FER: variants seen among roughly 807,000 people sequenced by gnomAD.
FER encodes tyrosine-protein kinase Fer.
In FER, 63 loss-of-function variants were observed where a neutral mutation model predicts 111.0. The ratio of observed to expected loss-of-function variants is 0.57; its 90% CI spans 0.46 to 0.70. FER has a LOEUF of 0.70. Ranked by LOEUF, FER falls within the 30% of genes least tolerant of loss-of-function variation. The pLI is 0.00. For missense variants in FER, 914 were observed against 954.0 expected (o/e 0.96, Z 0.55); for synonymous variants, 327 against 313.9 (o/e 1.04, Z -0.44).
intron 17 of FER, among the ~76,000 whole-genome samples, chr5:109,126,680 G>C (rs555826944): frequency 1.3e-5 from 2 of 152,012 alleles, no homozygotes; most frequent in Non-Finnish European, 2.9e-5. Context: ...TGTTTATTTT[G>C]TGCCAAGTAT....
At chr5:109,040,251 C>A (rs569448883) in intron 14 of FER, among the ~76,000 whole-genome samples, 1 of 152,156 alleles carries the variant, frequency 6.6e-6, no homozygotes, top group South Asian at 2.1e-4. Context: ...TAGTATATAG[C>A]TGGTACTTAC....
At chr5:109,113,318 G>A (rs757904133) in intron 17 of FER, among the ~76,000 whole-genome samples, 5 of 152,092 alleles carry the variant, frequency 3.3e-5, no homozygotes, top group Non-Finnish European at 5.9e-5. Context: ...ACATTAAGCA[G>A]CGGGAAAAGA....
At chr5:109,139,867 T>C (rs575150186) in intron 17 of FER, among the ~76,000 whole-genome samples, 3 of 152,274 alleles carry the variant, frequency 2.0e-5, no homozygotes, top group Admixed American at 6.5e-5. Flanking sequence ...GCTGACAGGA[T>C]CTACACCGTG....
intron 13 of FER, among the ~76,000 whole-genome samples, chr5:109,026,723 A>G (rs1326289936): frequency 2.0e-5 from 3 of 152,126 alleles, no homozygotes; most frequent in South Asian, 2.1e-4. Flanking sequence ...TTGTTGCCTG[A>G]GCTGGAGTAC....
In FER at chr5:108,844,057, A is replaced by AAC. The variant is rs1449061827; in HGVS notation, c.481+8252_481+8253dup. 3.2e-4 allele frequency among the ~76,000 whole-genome samples: 32 copies of AAC among 100,308 alleles called. 1 individual carries two copies. The highest frequency in any genetic ancestry group is 1.1e-3 in the African/African-American group (26 of 24,620). The allele number at this position is 100,308 out of a possible 152,430, so 65.8% of individuals were successfully genotyped here. ...GTGTGTGAACATATATATGTGTGTG[A>AAC]ACATATATATGTGTGTGAACATATA... On this transcript the variant is annotated intron_variant, in intron 5 of 19. Transcript: ENST00000281092.
rs1187261021 is a variant in FER, at chr5:108,987,224, TC to T, written c.1656+27878del. On this transcript the variant is annotated intron_variant, in intron 13 of 19. Coordinates refer to ENST00000281092, the MANE Select transcript of FER (RefSeq NM_005246.4). ...ACTTTGGGAAGCCAAGGTAGGCAGA[TC>T]ACATGAGGTCAGGATTTCGAGACCA... Among the ~76,000 whole-genome samples, 7 of 152,242 alleles carry T rather than the reference TC, an allele frequency of 4.6e-5. No individual in the cohort carries two copies. The East Asian group carries it at 1.4e-3, about 29-fold the overall frequency.
intron 16 of FER, chr5:109,051,367 C>G (rs1772781509): frequency 1.2e-6 from 2 of 1,611,572 alleles, no homozygotes; most frequent in South Asian, 2.2e-5. Flanking sequence ...GCTGGCTCTG[C>G]TTGAAGGTTG....
At chr5:108,853,041 A>G in intron 5 of FER, among the ~76,000 whole-genome samples, 1 of 152,168 alleles carries the variant, frequency 6.6e-6, no homozygotes, top group East Asian at 1.9e-4. Context: ...TCTTTTTGCT[A>G]ATTATCTTCT....
At position 108,986,084 on chromosome 5, in the gene FER, T is replaced by C. The variant is rs987631748; in HGVS notation, c.1656+26737T>C. Among the ~76,000 whole-genome samples the C allele has an allele frequency of 2.0e-5, 3 of 152,180 alleles. No individual in the cohort carries two copies. In the South Asian group the frequency reaches 6.2e-4, roughly 32 times the overall value. On this transcript the variant is annotated intron_variant, in intron 13 of 19. Transcript: ENST00000281092. ...GTAGAAGTGTTCCCTTTTCACCACA[T>C]CTATGCCAACATGTATTATTTTTTG... is the stretch of plus-strand genomic sequence containing the variant.
At chr5:108,957,444 A>C (rs765829818) in intron 12 of FER, among the ~76,000 whole-genome samples, 7 of 151,632 alleles carry the variant, frequency 4.6e-5, no homozygotes, top group Non-Finnish European at 8.9e-5. Context: ...TAAAAACACA[A>C]AAAAATAATA....
rs1393859138 is a variant in FER, at chr5:109,194,744, A to G, written c.*7169A>G. The G allele has an allele frequency of 6.6e-6, 1 of 152,004 alleles. No homozygotes were observed. The highest frequency in any genetic ancestry group is 1.5e-5 in the Non-Finnish European group (1 of 67,986). 9.4% of individuals were successfully genotyped at this position (152,004 alleles called of 1,614,324 possible). ...AAATGTAGGAGGGCCTTAAAAAATA[A>G]ATCTCAATTCATACACTGGAGCAGC... is the stretch of plus-strand genomic sequence containing the variant. On this transcript the variant is annotated 3_prime_UTR_variant, in exon 20 of 20. Coordinates refer to ENST00000281092, the MANE Select transcript of FER (RefSeq NM_005246.4).
At chr5:108,832,533 CT>C (rs1333662922) in intron 3 of FER, among the ~76,000 whole-genome samples, 1 of 152,100 alleles carries the variant, frequency 6.6e-6, no homozygotes, top group Non-Finnish European at 1.5e-5. Context: ...GTCCCGTAAT[CT>C]TTTTCTTAGT....
intron 16 of FER, among the ~76,000 whole-genome samples, chr5:109,095,175 A>G (rs1349179899): frequency 1.3e-5 from 2 of 152,114 alleles, no homozygotes; most frequent in African/African-American, 2.4e-5. Context: ...ATTAGACCAA[A>G]TTAGGAAACC....
At chr5:109,121,375 T>G (rs1750951825) in intron 17 of FER, among the ~76,000 whole-genome samples, 1 of 152,174 alleles carries the variant, frequency 6.6e-6, no homozygotes, top group African/African-American at 2.4e-5. Context: ...TCCTCCATTC[T>G]GTTGATGTGA....
chr5:108,835,884 G>A, intron 5 of FER, 77 bp downstream of exon 5: 4 of 760,816 alleles, frequency 5.3e-6, no homozygotes, highest in Admixed American at 3.2e-5. Flanking sequence ...TGTAAGTAGT[G>A]GAATGATTCC....
At chr5:109,125,237 T>C (rs1247206872) in intron 17 of FER, among the ~76,000 whole-genome samples, 1 of 152,116 alleles carries the variant, frequency 6.6e-6, no homozygotes, top group Non-Finnish European at 1.5e-5. Context: ...CTTTACATAC[T>C]ATGGTAAGTT....
At chr5:108,821,878 C>T (rs1758883830) in intron 3 of FER, among the ~76,000 whole-genome samples, 1 of 152,078 alleles carries the variant, frequency 6.6e-6, no homozygotes, top group African/African-American at 2.4e-5. Flanking sequence ...GATACGTACT[C>T]TCTTAGCAAA....
At chr5:109,025,381 A>C (rs1450758242) in intron 13 of FER, among the ~76,000 whole-genome samples, 2 of 152,174 alleles carry the variant, frequency 1.3e-5, no homozygotes, top group African/African-American at 4.8e-5. Context: ...TCTTTGGAGC[A>C]ATTGTGAATG....
chr5:109,007,514 G>A (rs1765656812), intron 13 of FER, among the ~76,000 whole-genome samples: 1 of 152,120 alleles, frequency 6.6e-6, no homozygotes, highest in African/African-American at 2.4e-5. Context: ...TCATATACAA[G>A]GAATCGTACA....
Sources: allele counts gnomAD v4.1 joint callset (sites outside exome capture counted in the v4.1 genomes callset), GRCh38; gene constraint gnomAD v4.1.1; transcripts MANE v1.5; gene names NCBI Gene and HGNC (gene_info 2026-07-23, HGNC 2026-07-21).